RAD54B: variants seen among roughly 807,000 people sequenced by gnomAD.
RAD54B encodes the protein DNA repair and recombination protein RAD54B.
In RAD54B, 78 loss-of-function variants were observed where a neutral mutation model predicts 95.8. The ratio of observed to expected loss-of-function variants is 0.81; its 90% CI spans 0.68 to 0.98. The LOEUF (loss-of-function observed/expected upper bound fraction) is 0.98, where lower values mean the gene tolerates loss of function less well. Ranked by LOEUF, RAD54B falls within the 50% of genes least tolerant of loss-of-function variation. RAD54B has a pLI of 0.00. For missense variants in RAD54B, 957 were observed against 1,056.6 expected, an observed-to-expected ratio of 0.91 and a Z score of 1.31; for synonymous variants, 328 against 354.9, an observed-to-expected ratio of 0.92 and a Z score of 0.85.
chr8:94,429,578 C>A, intron 3 of RAD54B: 2 of 982,952 alleles, frequency 2.0e-6, no homozygotes, highest in South Asian at 9.4e-5. Context: ...TCAATAATTT[C>A]AAAAAATAAA....
At chr8:94,391,584 A>G in intron 10 of RAD54B, 25 bp downstream of exon 10, 4 of 1,591,742 alleles carry the variant, frequency 2.5e-6, no homozygotes, top group Non-Finnish European at 3.4e-6. Flanking sequence ...TATCCCTGAC[A>G]CAGTTTCAGA....
At chr8:94,380,514 T>C (rs75546386) in intron 11 of RAD54B, 108 bp from the exon 12 acceptor site, 18,254 of 1,100,214 alleles carry the variant, frequency 0.017, 218 homozygotes, top group Non-Finnish European at 0.019. Context: ...TGAGAGAACA[T>C]GCAACAATGA....
chr8:94,373,744 T>C (rs1810496837), intron 14 of RAD54B, among the ~76,000 whole-genome samples: 1 of 152,232 alleles, frequency 6.6e-6, no homozygotes, highest in South Asian at 2.1e-4. Flanking sequence ...TTTTAGTATC[T>C]ATCCTAAGAG....
chr8:94,474,422 T>C (rs1450232940), intron 1 of RAD54B, among the ~76,000 whole-genome samples: 2 of 152,212 alleles, frequency 1.3e-5, no homozygotes, highest in Non-Finnish European at 2.9e-5. Flanking sequence ...TAATACTCAG[T>C]AGGTTAGCTG....
Position 94,404,067 on chromosome 8 carries a change from A to C in RAD54B, c.944+10T>G. The C allele has an allele frequency of 6.4e-7, 1 of 1,569,996 alleles. No individual in the cohort carries two copies. The highest frequency in any genetic ancestry group is 8.6e-7 in the Non-Finnish European group (1 of 1,156,978). On this transcript the variant is annotated intron_variant, in intron 6 of 14. Transcript: ENST00000336148. ...TCAGATTAGATTAAACAAATGATTT[A>C]TTTTCCTACCTCATTCCCATTACAC...
chr8:94,386,997 G>A lies in RAD54B; in HGVS notation c.1972C>T (p.Arg658Ter), dbSNP rs1007531071. 9.4e-6 allele frequency: 15 copies of A among 1,596,096 alleles called. No homozygotes were observed. The highest frequency in any genetic ancestry group is 4.6e-5 in the South Asian group (4 of 86,664). The change falls in exon 11 of 15, where the codon CGA becomes TGA. Residue 658 changes from arginine (R) to a stop codon, truncating the protein, a stop_gained. Coordinates refer to ENST00000336148, the MANE Select transcript of RAD54B (RefSeq NM_012415.3). LOFTEE classifies it high-confidence loss of function. ...SKLLAVIHEL[R>*]PTEKVVLVSN... ...AATCGATCTTACTTTTCAGTAGGTC[G>A]AAGTTCGTGGATAACCGCTAAGAGC...
rs114630083 is a variant in RAD54B at position 94,379,564 on chromosome 8, T to C, written c.2247+581A>G. Among the ~76,000 whole-genome samples, 279 of 152,338 alleles carry C rather than the reference T, an allele frequency of 1.8e-3. 4 individuals are homozygous for C. The highest frequency in any genetic ancestry group is 6.1e-3 in the African/African-American group (254 of 41,586). On this transcript the variant is annotated intron_variant, in intron 12 of 14. Coordinates refer to ENST00000336148, the MANE Select transcript of RAD54B (RefSeq NM_012415.3). Reference sequence around the variant, plus strand: ...CTATAATGTAACATAACTGTGAGTATAGCTGCTTTTCTCAGTTGAGTCCTT... The same window carrying C: ...CTATAATGTAACATAACTGTGAGTACAGCTGCTTTTCTCAGTTGAGTCCTT...
intron 3 of RAD54B, among the ~76,000 whole-genome samples, chr8:94,444,831 G>GT (rs1331175950): frequency 5.3e-5 from 8 of 152,174 alleles, no homozygotes; most frequent in Admixed American, 5.2e-4. Flanking sequence ...AGATGTGTAT[G>GT]TATCTCCTAC....
chr8:94,464,616 A>C (rs1252092832), intron 2 of RAD54B, among the ~76,000 whole-genome samples: 1 of 152,192 alleles, frequency 6.6e-6, no homozygotes, highest in East Asian at 1.9e-4. Flanking sequence ...TCTAAAATTG[A>C]TTGTGGAGAT....
intron 3 of RAD54B, among the ~76,000 whole-genome samples, chr8:94,420,933 C>G (rs1264268005): frequency 6.7e-6 from 1 of 149,000 alleles, no homozygotes; most frequent in Non-Finnish European, 1.5e-5. Flanking sequence ...TGCAGTGAGC[C>G]GAGATCACAC....
At chr8:94,461,160 CTTTTTTTTTTTTT>C (rs57563259) in intron 2 of RAD54B, among the ~76,000 whole-genome samples, 7 of 59,982 alleles carry the variant, frequency 1.2e-4, no homozygotes, top group South Asian at 6.6e-4. Context: ...AAATACTCAT[CTTTTTTTTTTTTT>C]TTTTTTTTTT....
chr8:94,373,132 T>C (rs1164307861), intron 14 of RAD54B: 1 of 152,092 alleles, frequency 6.6e-6, no homozygotes, highest in African/African-American at 2.4e-5. Flanking sequence ...AAGCATTCCA[T>C]GATAAGCACA....
At chr8:94,459,849 G>C (rs908191893) in intron 2 of RAD54B, among the ~76,000 whole-genome samples, 2 of 147,636 alleles carry the variant, frequency 1.4e-5, no homozygotes, top group Admixed American at 6.9e-5. Context: ...GACAGAACAA[G>C]ACCCTGTCTC....
intron 3 of RAD54B, chr8:94,432,430 T>C: frequency 6.4e-7 from 1 of 1,550,456 alleles, no homozygotes; most frequent in Non-Finnish European, 8.7e-7. Flanking sequence ...GTCATTCTCA[T>C]ATCAACAGAG....
At chr8:94,428,490 A>C (rs1348005004) in intron 3 of RAD54B, 4 of 246,536 alleles carry the variant, frequency 1.6e-5, no homozygotes, top group Non-Finnish European at 2.6e-5. Context: ...ATATACTTTA[A>C]ATCATCTCTA....
Position 94,458,424 on chromosome 8 carries a change from T to C in RAD54B, c.148A>G (p.Asn50Asp). 6.3e-7 allele frequency: 1 copy of C among 1,587,938 alleles called. No homozygotes were observed. Among genetic ancestry groups the C allele is most frequent in the Non-Finnish European group, 8.5e-7 (1 of 1,170,258 alleles). ...TTTTGTGACGGGAGAAAGGTGTTATTAATTGCAACACCCTAAAAGAAACAA... is the reference window on the plus strand; with the variant it reads ...TTTTGTGACGGGAGAAAGGTGTTATCAATTGCAACACCCTAAAAGAAACAA... The part of the protein sequence containing the change: ...DIKLFEGVAI[N>D]NTFLPSQNDL... Residue 50 changes from asparagine (N) to aspartate (D), a missense_variant, in exon 3 of 15, where the codon AAT (asparagine) becomes GAT (aspartate). Asn to Asp is a conservative substitution (Grantham distance 23, BLOSUM62 1). Transcript: ENST00000336148.
At chr8:94,441,620 A>T (rs3019283) in intron 3 of RAD54B, among the ~76,000 whole-genome samples, 140,105 of 152,240 alleles carry the variant, frequency 0.92, 64,626 homozygotes, top group East Asian at 1. Context: ...GGGCTTTTTA[A>T]GAAAGCTTCA....
Position 94,380,308 on chromosome 8 carries a change from G to A in RAD54B, c.2084C>T (p.Pro695Leu). 1.9e-6 allele frequency: 3 copies of A among 1,614,008 alleles called. No individual in the cohort carries two copies. The highest frequency in any genetic ancestry group is 2.5e-6 in the Non-Finnish European group (3 of 1,179,964). The change falls in exon 12 of 15, where the codon CCA becomes CTA. Residue 695 changes from proline to leucine, a missense_variant. Transcript: ENST00000336148. ...YAYTRLDGQT[P>L]ISQRQQIVDG... ...AACAATCTGCTGCCTTTGAGAGATT[G>A]GTGTTTGTCCATCAAGTCTTGTATA...
At chr8:94,448,265 G>T (rs1044483180) in intron 3 of RAD54B, among the ~76,000 whole-genome samples, 5 of 151,640 alleles carry the variant, frequency 3.3e-5, no homozygotes, top group Admixed American at 1.3e-4. Context: ...CTCCACCCTG[G>T]GTGACCAAGC....
Sources: allele counts gnomAD v4.1 joint callset (sites outside exome capture counted in the v4.1 genomes callset), GRCh38; gene constraint gnomAD v4.1.1; transcripts MANE v1.5; gene names NCBI Gene and HGNC (gene_info 2026-07-23, HGNC 2026-07-21).